The following SHROOM2 variants were observed in gnomAD, a reference collection of about 807,000 sequenced individuals.
The protein encoded by SHROOM2 is shroom family member 2.
A neutral mutation model predicts 75.9 loss-of-function variants in SHROOM2; 33 were observed. That is an observed-to-expected ratio of 0.43 (90% confidence interval 0.33 to 0.58). The LOEUF (loss-of-function observed/expected upper bound fraction) is 0.58, where lower values mean the gene tolerates loss of function less well. SHROOM2 is among the 20% of genes least tolerant of loss of function. The pLI is 0.04. For synonymous variants in SHROOM2, 655 were observed against 663.6 expected (o/e 0.99, Z 0.20); for missense variants, 1,434 against 1,461.2 (o/e 0.98, Z 0.30).
chrX:9,812,243 GC>G (rs2083795384), intron 1 of SHROOM2, among the ~76,000 whole-genome samples: 1 of 111,850 alleles, frequency 8.9e-6, no homozygotes, highest in Non-Finnish European at 1.9e-5. Context: ...ATCCTTATCT[GC>G]CACTCTCACC....
At chrX:9,918,834 C>T (rs1230417059) in intron 5 of SHROOM2, among the ~76,000 whole-genome samples, 2 of 112,013 alleles carry the variant, frequency 1.8e-5, no homozygotes, top group Non-Finnish European at 3.8e-5. Flanking sequence ...GAGGGCTTCA[C>T]CCTCCTGACT....
intron 2 of SHROOM2, among the ~76,000 whole-genome samples, chrX:9,877,018 T>C (rs1436966672): frequency 8.9e-6 from 1 of 112,318 alleles, no homozygotes; most frequent in East Asian, 2.8e-4. Context: ...CTCCCTGTAG[T>C]GACAGCTGCT....
At chrX:9,860,830 A>T (rs919964812) in intron 1 of SHROOM2, among the ~76,000 whole-genome samples, 1 of 112,169 alleles carries the variant, frequency 8.9e-6, no homozygotes, top group African/African-American at 3.2e-5. Flanking sequence ...GAGAGTGTAC[A>T]TACAGTGGAA....
chrX:9,823,034 TCCTCCTCCTCCTC>T (rs1569142101), intron 1 of SHROOM2, among the ~76,000 whole-genome samples: 17 of 16,981 alleles, frequency 1.0e-3, no homozygotes, highest in East Asian at 2.8e-3. Context: ...CTTCTCCTCC[TCCTCCTCCTCCTC>T]CTCCTCCTCC....
chrX:9,790,115 G>T (rs1372395573), intron 1 of SHROOM2, among the ~76,000 whole-genome samples: 1 of 112,299 alleles, frequency 8.9e-6, no homozygotes, highest in African/African-American at 3.2e-5. Flanking sequence ...GCAGCCAGGT[G>T]GCAAGTGTCT....
At chrX:9,831,612 C>T (rs1170831281) in intron 1 of SHROOM2, among the ~76,000 whole-genome samples, 2 of 112,290 alleles carry the variant, frequency 1.8e-5, no homozygotes, top group Admixed American at 9.4e-5. Flanking sequence ...GAGCTGAGAT[C>T]GTGCCATTGC....
At chrX:9,893,383 C>T (rs1042699242) in intron 3 of SHROOM2, among the ~76,000 whole-genome samples, 7 of 111,920 alleles carry the variant, frequency 6.3e-5, no homozygotes, top group African/African-American at 9.7e-5. Context: ...CCTGCCTTAG[C>T]GTCTCAAAGC....
At chrX:9,800,375 C>CT (rs2083717749) in intron 1 of SHROOM2, among the ~76,000 whole-genome samples, 2 of 110,747 alleles carry the variant, frequency 1.8e-5, no homozygotes, top group South Asian at 7.8e-4. Context: ...GAGTCATGCT[C>CT]TGTCACCCAG....
intron 5 of SHROOM2, among the ~76,000 whole-genome samples, chrX:9,923,281 G>A (rs1455253348): frequency 9.0e-6 from 1 of 110,939 alleles, no homozygotes; most frequent in African/African-American, 3.3e-5. Flanking sequence ...CTGGCTGGAG[G>A]AATGTGGATC....
chrX:9,913,858 C>G (rs762637228), intron 5 of SHROOM2, among the ~76,000 whole-genome samples: 1 of 111,560 alleles, frequency 9.0e-6, no homozygotes, highest in East Asian at 2.8e-4. Flanking sequence ...AGATTTGGTA[C>G]CAAGTTGATG....
At chrX:9,823,748 TC>T (rs2083872924) in intron 1 of SHROOM2, among the ~76,000 whole-genome samples, 1 of 70,089 alleles carries the variant, frequency 1.4e-5, no homozygotes, top group African/African-American at 4.4e-5. Flanking sequence ...TTTTCTTTTT[TC>T]TTTTTTCTTT....
At chrX:9,836,637 CACCGG>C (rs1186629623) in intron 1 of SHROOM2, among the ~76,000 whole-genome samples, 1 of 109,133 alleles carries the variant, frequency 9.2e-6, no homozygotes, top group Non-Finnish European at 1.9e-5. Flanking sequence ...ATATTGACCA[CACCGG>C]TCTTGAACTC....
At chrX:9,890,946 G>T in intron 2 of SHROOM2, 31 bp from the exon 3 acceptor site, 1 of 1,176,926 alleles carries the variant, frequency 8.5e-7, no homozygotes, top group Non-Finnish European at 1.1e-6. Flanking sequence ...TGCAGTCCCT[G>T]ACCCCCCGCC....
At chrX:9,852,781 G>A (rs1406372032) in intron 1 of SHROOM2, among the ~76,000 whole-genome samples, 1 of 112,497 alleles carries the variant, frequency 8.9e-6, no homozygotes, top group Non-Finnish European at 1.9e-5. Flanking sequence ...CTTTAGGATT[G>A]AACTGATCAT....
At chrX:9,936,758 C>T (rs777032151) in intron 6 of SHROOM2, among the ~76,000 whole-genome samples, 2 of 112,293 alleles carry the variant, frequency 1.8e-5, no homozygotes, top group Non-Finnish European at 3.8e-5. Context: ...TGCAGGCTTC[C>T]CCTACAAAAG....
At chrX:9,818,363 G>A (rs1216879336) in intron 1 of SHROOM2, 1 of 249,110 alleles carries the variant, frequency 4.0e-6, no homozygotes, top group Non-Finnish European at 8.1e-6. Context: ...ACCACCAGAA[G>A]ATTCTTCCTC....
At chrX:9,822,211 T>C (rs2083856803) in intron 1 of SHROOM2, among the ~76,000 whole-genome samples, 2 of 111,440 alleles carry the variant, frequency 1.8e-5, no homozygotes, top group South Asian at 7.5e-4. Flanking sequence ...GAACCCCGAT[T>C]GAGGGAGAAA....
intron 1 of SHROOM2, among the ~76,000 whole-genome samples, chrX:9,863,008 CA>C (rs1168694394): frequency 2.7e-5 from 3 of 111,178 alleles, no homozygotes; most frequent in Non-Finnish European, 5.7e-5. Context: ...CCTGAGGCCC[CA>C]GGATCTTTGC....
Position 9,932,227 on chromosome X carries a change from C to T in SHROOM2, c.2944C>T (p.Pro982Ser), listed in dbSNP as rs1271067710. The T allele has an allele frequency of 8.6e-7, 1 of 1,162,339 alleles. No individual in the cohort carries two copies. The change falls in exon 6 of 10, where the codon CCG (proline) becomes TCG (serine). Residue 982 changes from proline to serine, a missense_variant. Physicochemically the swap from Pro to Ser is moderately conservative, Grantham distance 74. This residue lies in a region of SHROOM2 where 1,340 missense variants were observed against 1,338.3 expected (regional missense o/e 1.00). Coordinates refer to ENST00000380913, the MANE Select transcript of SHROOM2 (RefSeq NM_001649.4). ...EGSPGSQQHP[P>S]SQKAPNPPTF... ...CAGCCCAGGATCACAGCAGCACCCA[C>T]CGAGTCAGAAGGCACCGAACCCACC...
Sources: gnomAD v4.1 joint callset for allele counts (sites outside exome capture counted in the v4.1 genomes callset) on GRCh38, gnomAD v4.1.1 for gene constraint, gnomAD v4.1.1 regional missense constraint, MANE v1.5 for transcripts, NCBI Gene and HGNC (gene_info 2026-07-23, HGNC 2026-07-21) for gene names.